The following SPATA13 variants were observed in gnomAD, a reference collection of about 807,000 sequenced individuals.
The protein encoded by SPATA13 is spermatogenesis associated 13, also known as spermatogenesis-associated protein 13.
A neutral mutation model predicts 104.0 loss-of-function variants in SPATA13; 50 were observed. The observed-to-expected ratio is 0.48, with a 90% CI of 0.38 to 0.61. SPATA13 has a LOEUF of 0.61. Among genes scored for constraint, SPATA13 ranks in the 20% least tolerant of loss-of-function variants. The pLI is 0.00. For synonymous variants in SPATA13, 606 were observed against 667.5 expected (o/e 0.91, Z 1.42); for missense variants, 1,524 against 1,690.6 (o/e 0.90, Z 1.73).
At position 24,224,122 on chromosome 13, in the gene SPATA13, C is replaced by T. The variant is rs1378388024; in HGVS notation, c.1193C>T (p.Ser398Phe). 6.4e-7 allele frequency: 1 copy of T among 1,551,676 alleles called. No individual in the cohort carries two copies. The highest frequency in any genetic ancestry group is 2.4e-5 in the East Asian group (1 of 40,912). The change falls in exon 2 of 13, where the codon TCT becomes TTT. Residue 398 changes from serine (S) to phenylalanine (F), a missense_variant. Ser to Phe is a radical substitution (Grantham distance 155, BLOSUM62 -2). Around this residue, in one of 2 missense-constraint regions of SPATA13, gnomAD observed 1,089 missense variants for 1,135.9 expected, o/e 0.96. Transcript: ENST00000382108. ...GCCCCCGGTTTCGGCTCAGCCACCT[C>T]TAAGGGGCCCCACCTAGACGCTGAC... ...TVAPGFGSAT[S>F]KGPHLDADTA...
chr13:24,270,428 G>T (rs1282260352), intron 4 of SPATA13, among the ~76,000 whole-genome samples: 1 of 152,146 alleles, frequency 6.6e-6, no homozygotes. Flanking sequence ...AGTGACCCCT[G>T]TGCTTTTCTC....
chr13:24,202,605 A>G (rs946855877), intron 1 of SPATA13, among the ~76,000 whole-genome samples: 4 of 37,516 alleles, frequency 1.1e-4, no homozygotes, highest in Non-Finnish European at 2.2e-4. Context: ...TTTTTTTTGT[A>G]TTTGTAGATT....
intron 3 of SPATA13, among the ~76,000 whole-genome samples, chr13:24,036,728 C>T (rs188057449): frequency 3.9e-5 from 6 of 152,244 alleles, no homozygotes; most frequent in Admixed American, 6.5e-5. Context: ...CCTTACTAAA[C>T]AACAATTATC....
intron 3 of SPATA13, among the ~76,000 whole-genome samples, chr13:24,106,159 A>G (rs1880445151): frequency 1.3e-5 from 2 of 151,994 alleles, no homozygotes; most frequent in Admixed American, 6.6e-5. Flanking sequence ...CCAGCCTCCC[A>G]AGTAGCTTGG....
intron 3 of SPATA13, among the ~76,000 whole-genome samples, chr13:24,028,007 CTATTA>C (rs1486555821): frequency 2.0e-5 from 3 of 152,094 alleles, no homozygotes; most frequent in Non-Finnish European, 2.9e-5. Flanking sequence ...TTTTTAATTT[CTATTA>C]TATTTTTCTT....
chr13:24,133,990 A>G (rs1881473656), intron 3 of SPATA13, among the ~76,000 whole-genome samples: 1 of 152,172 alleles, frequency 6.6e-6, no homozygotes, highest in Non-Finnish European at 1.5e-5. Flanking sequence ...CCCTGGGGGA[A>G]GGCTCTTTCT....
intron 2 of SPATA13, among the ~76,000 whole-genome samples, chr13:24,228,709 GT>G (rs1303408699): frequency 4.6e-5 from 7 of 152,044 alleles, no homozygotes; most frequent in Non-Finnish European, 8.8e-5. Context: ...TCAATATACA[GT>G]TTTTTTATTC....
At chr13:23,986,215 G>T (rs1566062619) in intron 2 of SPATA13, among the ~76,000 whole-genome samples, 1 of 152,180 alleles carries the variant, frequency 6.6e-6, no homozygotes, top group Non-Finnish European at 1.5e-5. Flanking sequence ...CTCTTTCTAA[G>T]GAAACTATAT....
chr13:24,240,749 A>G (rs920249519), intron 2 of SPATA13, among the ~76,000 whole-genome samples: 2 of 152,174 alleles, frequency 1.3e-5, no homozygotes, highest in African/African-American at 2.4e-5. Context: ...ATGAACTACC[A>G]TATCAGTCTA....
chr13:24,280,159 G>A (rs1004145206), intron 4 of SPATA13, among the ~76,000 whole-genome samples: 18 of 152,072 alleles, frequency 1.2e-4, no homozygotes, highest in Admixed American at 3.3e-4. Context: ...CTACAGGTGC[G>A]TACCACGACC....
intron 3 of SPATA13, among the ~76,000 whole-genome samples, chr13:24,082,399 GGGGA>G (rs1184558436): frequency 6.6e-6 from 1 of 152,188 alleles, no homozygotes; most frequent in Non-Finnish European, 1.5e-5. Context: ...TGTCTGTGGC[GGGGA>G]GGGTAACACT....
At chr13:24,213,406 A>G (rs1871127984) in intron 1 of SPATA13, among the ~76,000 whole-genome samples, 2 of 152,176 alleles carry the variant, frequency 1.3e-5, no homozygotes, top group Admixed American at 6.5e-5. Flanking sequence ...AGCTGGGACT[A>G]CAGGTGTGGG....
chr13:24,080,317 A>G (rs549322361), intron 3 of SPATA13, among the ~76,000 whole-genome samples: 2 of 152,384 alleles, frequency 1.3e-5, no homozygotes, highest in East Asian at 3.9e-4. Context: ...AAGTGGGAAC[A>G]TTCCCTGCTA....
intron 2 of SPATA13, among the ~76,000 whole-genome samples, chr13:24,247,738 C>G (rs926776462): frequency 5.9e-5 from 9 of 152,112 alleles, no homozygotes; most frequent in African/African-American, 2.2e-4. Flanking sequence ...CCATCTTGGC[C>G]TCCCAAAGTG....
intron 3 of SPATA13, among the ~76,000 whole-genome samples, chr13:24,056,773 T>A (rs1254043166): frequency 6.6e-6 from 1 of 152,200 alleles, no homozygotes; most frequent in Non-Finnish European, 1.5e-5. Context: ...AAAAGACAAG[T>A]ACGTTGCTGT....
Position 24,199,820 on chromosome 13 carries a change from G to T in SPATA13, c.-111-22999G>T, listed in dbSNP as rs61044216. ...CAAATAAATTGCTTTTGTTTGTCAA[G>T]TGTTCCCACTAAGCCATATGTAAGT... On this transcript the variant is annotated intron_variant, in intron 1 of 12. Coordinates refer to ENST00000382108, the MANE Select transcript of SPATA13 (RefSeq NM_001166271.3). 7.9e-3 allele frequency among the ~76,000 whole-genome samples: 1,208 copies of T among 152,312 alleles called. 16 individuals carry two copies. Among genetic ancestry groups the T allele is most frequent in the African/African-American group, 0.026 (1,096 of 41,558 alleles).
At chr13:24,074,550 AAC>A (rs1879264967) in intron 3 of SPATA13, among the ~76,000 whole-genome samples, 1 of 152,184 alleles carries the variant, frequency 6.6e-6, no homozygotes, top group African/African-American at 2.4e-5. Flanking sequence ...GCACTGCTCT[AAC>A]ACACATTAAC....
intron 2 of SPATA13, among the ~76,000 whole-genome samples, chr13:24,226,146 G>A (rs866977305): frequency 6.6e-6 from 1 of 152,184 alleles, no homozygotes; most frequent in Non-Finnish European, 1.5e-5. Context: ...CATTTGATTG[G>A]TTGAAAGGCA....
chr13:24,107,503 G>A (rs9580871), intron 3 of SPATA13, among the ~76,000 whole-genome samples: 28,522 of 152,076 alleles, frequency 0.19, 4,031 homozygotes, highest in African/African-American at 0.4. Context: ...TCTCTCAGAA[G>A]ATATGAAAAG....
Sources: gnomAD v4.1 joint callset for allele counts (sites outside exome capture counted in the v4.1 genomes callset) on GRCh38, gnomAD v4.1.1 for gene constraint, gnomAD v4.1.1 regional missense constraint, MANE v1.5 for transcripts, NCBI Gene and HGNC (gene_info 2026-07-23, HGNC 2026-07-21) for gene names.